Variants in VPS13A observed in about 807,000 individuals in gnomAD.
VPS13A encodes the protein intermembrane lipid transfer protein VPS13A.
VPS13A carries 264 observed loss-of-function variants against 390.9 expected under a neutral mutation model. The observed-to-expected ratio is 0.68, with a 90% CI of 0.61 to 0.75. The LOEUF is 0.75. Ranked by LOEUF, VPS13A falls within the 30% of genes least tolerant of loss-of-function variation. VPS13A has a pLI of 0.00. For missense variants in VPS13A, 3,409 were observed against 3,733.9 expected (o/e 0.91, Z 2.27); for synonymous variants, 1,231 against 1,227.1 (o/e 1.00, Z -0.07).
At chr9:77,288,147 C>T (rs1033251832) in intron 31 of VPS13A, among the ~76,000 whole-genome samples, 4 of 151,960 alleles carry the variant, frequency 2.6e-5, no homozygotes, top group Non-Finnish European at 5.9e-5. Context: ...TAGTCTTTCA[C>T]GTTTTTTTTT....
chr9:77,188,597 T>C (rs1459556832), intron 1 of VPS13A, among the ~76,000 whole-genome samples: 1 of 152,216 alleles, frequency 6.6e-6, no homozygotes. Context: ...TGTGTCCTTA[T>C]GGTAGGACAG....
In VPS13A at chr9:77,328,379, G is replaced by A. The variant is rs117517996; in HGVS notation, c.5992-3631G>A. ...GTTAGCATATTCTTAAAGGCCCTGG[G>A]ATTTTCATAATGGTAAAAGAACATT... On this transcript the variant is annotated intron_variant, in intron 45 of 71. Coordinates refer to ENST00000360280, the MANE Select transcript of VPS13A (RefSeq NM_033305.3). 8.1e-4 allele frequency among the ~76,000 whole-genome samples: 124 copies of A among 152,290 alleles called. 2 individuals are homozygous for A. The East Asian group carries it at 0.012, about 14-fold the overall frequency.
rs962119382 is a variant in VPS13A at position 77,202,396 on chromosome 9, A to C, written c.187+989A>C. On this transcript the variant is annotated intron_variant, in intron 3 of 71. Coordinates refer to ENST00000360280, the MANE Select transcript of VPS13A (RefSeq NM_033305.3). ...ATACTTACAAGTTTATATGTATTGA[A>C]ATACTTGTAATTATGCTATTTTTAC... Among the ~76,000 whole-genome samples, 6 of 152,114 alleles carry C rather than the reference A, an allele frequency of 3.9e-5. 1 individual carries two copies. The highest frequency in any genetic ancestry group is 5.9e-5 in the Non-Finnish European group (4 of 67,976).
chr9:77,390,789 C>T (rs1442547642), intron 68 of VPS13A, among the ~76,000 whole-genome samples: 1 of 151,938 alleles, frequency 6.6e-6, no homozygotes, highest in East Asian at 1.9e-4. Flanking sequence ...AGTGATCCTC[C>T]CACCTCAGCC....
intron 23 of VPS13A, among the ~76,000 whole-genome samples, chr9:77,265,947 A>G (rs546213165): frequency 2.0e-5 from 3 of 152,012 alleles, no homozygotes; most frequent in Admixed American, 1.3e-4. Flanking sequence ...AGTGCTATAA[A>G]TTTTCCTCTA....
intron 23 of VPS13A, among the ~76,000 whole-genome samples, chr9:77,268,303 C>T (rs908078772): frequency 1.3e-5 from 2 of 152,178 alleles, no homozygotes; most frequent in African/African-American, 4.8e-5. Context: ...ATCTCCTGGT[C>T]TGCCGGTTGC....
chr9:77,342,528 G>T (rs567131022), intron 50 of VPS13A, among the ~76,000 whole-genome samples: 2 of 152,176 alleles, frequency 1.3e-5, no homozygotes, highest in South Asian at 4.2e-4. Flanking sequence ...CAACATGGGT[G>T]GTTGAGATAG....
Position 77,405,844 on chromosome 9 carries a change from TTTTG to T in VPS13A, c.9276-16_9276-13del, listed in dbSNP as rs753118278. ...GCCTCAATTTTAAAGCGAATTCTTT[TTTTG>T]TTTTTCTTTTTGCAGTGGTGTATTG... On this transcript the variant is annotated splice_polypyrimidine_tract_variant and intron_variant, in intron 69 of 71. Transcript: ENST00000360280. 213 of 1,612,318 alleles carry T rather than the reference TTTTG, an allele frequency of 1.3e-4. No individual in the cohort carries two copies. Among genetic ancestry groups the T allele is most frequent in the Non-Finnish European group, 1.7e-4 (197 of 1,179,872 alleles).
chr9:77,213,743 A>T (rs776361176), intron 9 of VPS13A, among the ~76,000 whole-genome samples: 2 of 152,044 alleles, frequency 1.3e-5, no homozygotes, highest in Non-Finnish European at 2.9e-5. Context: ...GCCTCAAGCA[A>T]TCCTCCCAAC....
intron 17 of VPS13A, among the ~76,000 whole-genome samples, chr9:77,230,135 G>A (rs1399542990): frequency 1.3e-5 from 2 of 151,664 alleles, no homozygotes; most frequent in Non-Finnish European, 1.5e-5. Flanking sequence ...TTTTATTATC[G>A]ATTTGCAAGA....
At chr9:77,411,540 G>A (rs148272017) in intron 71 of VPS13A, among the ~76,000 whole-genome samples, 3,345 of 151,714 alleles carry the variant, frequency 0.022, 83 homozygotes, top group African/African-American at 0.062. Flanking sequence ...GCGGGCGCCT[G>A]TAGTCCCAGC....
intron 67 of VPS13A, among the ~76,000 whole-genome samples, chr9:77,373,822 C>G (rs184789722): frequency 2.0e-5 from 3 of 151,444 alleles, no homozygotes; most frequent in African/African-American, 7.3e-5. Context: ...AAAAAGTGGG[C>G]GAAGGACATG....
rs530783089 is a variant in VPS13A, at chr9:77,312,549, C to A, written c.4115-1443C>A. Among the ~76,000 whole-genome samples the A allele has an allele frequency of 3.3e-5, 5 of 152,158 alleles. 1 individual carries two copies. The South Asian group carries it at 1.0e-3, about 32-fold the overall frequency. On this transcript the variant is annotated intron_variant, in intron 35 of 71. Coordinates refer to ENST00000360280, the MANE Select transcript of VPS13A (RefSeq NM_033305.3). ...TCACACCATTCTCCTGCCTCAGCCT[C>A]CCAAGTAGCTGGGATTACAGGTGCC...
chr9:77,345,596 C>G (rs1174006726), intron 52 of VPS13A, among the ~76,000 whole-genome samples: 1 of 151,984 alleles, frequency 6.6e-6, no homozygotes, highest in African/African-American at 2.4e-5. Flanking sequence ...TGGTTTAGGA[C>G]TACTCTTCAA....
intron 71 of VPS13A, among the ~76,000 whole-genome samples, chr9:77,413,971 C>G (rs190390120): frequency 6.6e-6 from 1 of 152,256 alleles, no homozygotes; most frequent in African/African-American, 2.4e-5. Context: ...TTTATGCAGC[C>G]AGAAGACACA....
chr9:77,345,205 T>C lies in VPS13A; in HGVS notation c.7289+63T>C, dbSNP rs1831083104. On this transcript the variant is annotated intron_variant, in intron 52 of 71. Transcript: ENST00000360280. ...AAGTCTAGATGATGAGGCACAGTTT[T>C]TTTTGATAATTTCTTAAGAGTATAA... 2.6e-6 allele frequency: 4 copies of C among 1,538,396 alleles called. No homozygotes were observed. In the Middle Eastern group the frequency reaches 5.1e-4, roughly 197 times the overall value.
chr9:77,403,543 A>G (rs1363306969), intron 69 of VPS13A, among the ~76,000 whole-genome samples: 1 of 152,216 alleles, frequency 6.6e-6, no homozygotes, highest in Non-Finnish European at 1.5e-5. Flanking sequence ...ATATTTTAGT[A>G]TTTGTTTCAA....
intron 23 of VPS13A, among the ~76,000 whole-genome samples, chr9:77,264,942 A>G (rs554282917): frequency 6.6e-6 from 1 of 152,216 alleles, no homozygotes; most frequent in Non-Finnish European, 1.5e-5. Context: ...TTTGTCATAA[A>G]TAGCTGTTAG....
At chr9:77,252,199 T>C (rs1825180770) in intron 21 of VPS13A, 36 bp from the exon 22 acceptor site, 2 of 1,496,592 alleles carry the variant, frequency 1.3e-6, no homozygotes, top group Non-Finnish European at 1.9e-6. Flanking sequence ...TTGTGTGTTA[T>C]AGTTACGTTA....
Sources: allele counts gnomAD v4.1 joint callset (sites outside exome capture counted in the v4.1 genomes callset), GRCh38; gene constraint gnomAD v4.1.1; transcripts MANE v1.5; gene names NCBI Gene and HGNC (gene_info 2026-07-23, HGNC 2026-07-21).